FMN1: variants seen among roughly 807,000 people sequenced by gnomAD.
The protein encoded by FMN1 is formin 1.
A neutral mutation model predicts 132.4 loss-of-function variants in FMN1; 110 were observed. The ratio of observed to expected loss-of-function variants is 0.83; its 90% CI spans 0.71 to 0.97. The LOEUF (loss-of-function observed/expected upper bound fraction) is 0.97, where lower values mean the gene tolerates loss of function less well. FMN1 is among the 50% of genes least tolerant of loss of function. FMN1 has a pLI of 0.00. For missense variants in FMN1, 1,792 were observed against 1,705.3 expected (o/e 1.05, Z -0.90); for synonymous variants, 722 against 651.7 (o/e 1.11, Z -1.64).
chr15:33,107,141 CCT>C (rs1376802713), intron 4 of FMN1, among the ~76,000 whole-genome samples: 7 of 151,750 alleles, frequency 4.6e-5, no homozygotes, highest in African/African-American at 1.7e-4. Flanking sequence ...ATCCTTGAGT[CCT>C]CTCTTTCCCT....
chr15:32,859,812 G>A (rs1273892883), intron 16 of FMN1, among the ~76,000 whole-genome samples: 1 of 152,150 alleles, frequency 6.6e-6, no homozygotes, highest in Non-Finnish European at 1.5e-5. Context: ...CTTGGTGGGA[G>A]GATCACTTGA....
chr15:33,180,438 C>A (rs985802818), intron 2 of FMN1, among the ~76,000 whole-genome samples, 176 bp from the exon 3 acceptor site: 1 of 152,126 alleles, frequency 6.6e-6, no homozygotes, highest in Admixed American at 6.5e-5. Context: ...AGGGAACAGA[C>A]GATCCTGCCT....
At chr15:33,142,063 G>A (rs1964032447) in intron 4 of FMN1, among the ~76,000 whole-genome samples, 1 of 152,032 alleles carries the variant, frequency 6.6e-6, no homozygotes, top group African/African-American at 2.4e-5. Flanking sequence ...TTCCATTCTG[G>A]TCACCAACAC....
chr15:32,887,240 A>C (rs1044131291), intron 16 of FMN1, among the ~76,000 whole-genome samples: 1 of 152,186 alleles, frequency 6.6e-6, no homozygotes, highest in African/African-American at 2.4e-5. Context: ...TGGTCTTAAA[A>C]TATTCCTGGT....
chr15:32,765,745 T>C lies in FMN1; in HGVS notation c.*8565A>G, dbSNP rs574075454. On this transcript the variant is annotated 3_prime_UTR_variant, in exon 21 of 21. Transcript: ENST00000616417. ...TTGACGTTTTTCTAATCAATATATATTATGTACAAAAATACACTTGATATT... is the reference window on the plus strand; with the variant it reads ...TTGACGTTTTTCTAATCAATATATACTATGTACAAAAATACACTTGATATT... 1 of 152,290 alleles carries C rather than the reference T, an allele frequency of 6.6e-6. No homozygotes were observed. Among genetic ancestry groups the C allele is most frequent in the East Asian group, 1.9e-4 (1 of 5,190 alleles). 9.4% of individuals were successfully genotyped at this position (152,290 alleles called of 1,614,324 possible).
chr15:33,012,813 T>A (rs1159582814), intron 6 of FMN1: 4 of 658,376 alleles, frequency 6.1e-6, no homozygotes, highest in Non-Finnish European at 1.1e-5. Flanking sequence ...GCAGCTGTGG[T>A]GGTGGAGGAT....
intron 6 of FMN1, among the ~76,000 whole-genome samples, chr15:33,039,133 G>A (rs552606369): frequency 6.6e-6 from 1 of 152,194 alleles, no homozygotes; most frequent in Non-Finnish European, 1.5e-5. Context: ...TTCAATAAAA[G>A]AGCTATCATA....
intron 7 of FMN1, among the ~76,000 whole-genome samples, chr15:33,006,691 T>C (rs1290280123): frequency 5.9e-5 from 9 of 152,180 alleles, no homozygotes; most frequent in Admixed American, 5.9e-4. Flanking sequence ...ATACACAAAA[T>C]GGAATACTCT....
At chr15:32,855,161 A>ATT (rs1567276156) in intron 17 of FMN1, among the ~76,000 whole-genome samples, 3 of 139,486 alleles carry the variant, frequency 2.2e-5, no homozygotes, top group Non-Finnish European at 4.5e-5. Flanking sequence ...GGAGAGTAAA[A>ATT]AAAAAAAAAA....
intron 5 of FMN1, among the ~76,000 whole-genome samples, chr15:33,078,526 G>A (rs1179982880): frequency 2.6e-5 from 4 of 152,082 alleles, no homozygotes; most frequent in African/African-American, 9.7e-5. Flanking sequence ...GCTGGAGAAG[G>A]AAGTTTATGA....
chr15:32,817,224 A>G (rs1013742768), intron 17 of FMN1, among the ~76,000 whole-genome samples: 1 of 152,232 alleles, frequency 6.6e-6, no homozygotes, highest in African/African-American at 2.4e-5. Context: ...GACTACCAGA[A>G]CGTCCTGTAA....
intron 5 of FMN1, among the ~76,000 whole-genome samples, chr15:33,077,351 T>C (rs1026677461): frequency 1.8e-5 from 2 of 109,916 alleles, no homozygotes; most frequent in Non-Finnish European, 3.8e-5. Flanking sequence ...TTTTTTTTTT[T>C]TTAATATATA....
chr15:33,139,081 A>G (rs1042643394), intron 4 of FMN1, among the ~76,000 whole-genome samples: 4 of 152,220 alleles, frequency 2.6e-5, no homozygotes, highest in African/African-American at 9.6e-5. Flanking sequence ...CACGTAACAG[A>G]CTATCATAAC....
At position 32,876,640 on chromosome 15, in the gene FMN1, T is replaced by C. The variant is rs1355794861; in HGVS notation, c.3835+11532A>G. Among the ~76,000 whole-genome samples, 6 of 152,224 alleles carry C rather than the reference T, an allele frequency of 3.9e-5. 1 individual carries two copies. Among genetic ancestry groups the C allele is most frequent in the Admixed American group, 2.0e-4 (3 of 15,288 alleles). On this transcript the variant is annotated intron_variant, in intron 16 of 20. Coordinates refer to ENST00000616417, the MANE Select transcript of FMN1 (RefSeq NM_001277313.2). The stretch of plus-strand genomic sequence containing the variant: ...AAAATAAAAATTAAAGTGTATTGTT[T>C]AAAAAGTGTGGGAAACACAGTTTTA...
chr15:32,988,912 C>G (rs2033256905), intron 7 of FMN1, among the ~76,000 whole-genome samples: 1 of 152,166 alleles, frequency 6.6e-6, no homozygotes, highest in Non-Finnish European at 1.5e-5. Flanking sequence ...TAAGCTAACG[C>G]AAATCATCAT....
chr15:32,769,379 G>A lies in FMN1; in HGVS notation c.*4931C>T, dbSNP rs1329147824. ...TCCTTGGGAAGGGAGATGAAGAATT[G>A]TGAAACCAAAATGCAGTGCCTCTAA... On this transcript the variant is annotated 3_prime_UTR_variant, in exon 21 of 21. Coordinates refer to ENST00000616417, the MANE Select transcript of FMN1 (RefSeq NM_001277313.2). 1 of 152,216 alleles carries A rather than the reference G, an allele frequency of 6.6e-6. No homozygotes were observed. The highest frequency in any genetic ancestry group is 1.5e-5 in the Non-Finnish European group (1 of 68,038). The allele number at this position is 152,216 out of a possible 1,614,324, so 9.4% of individuals were successfully genotyped here. A position where few individuals can be genotyped will look rare whatever the true frequency, so the allele number is the denominator to read the frequency against.
At chr15:32,836,181 T>TG (rs1287651983) in intron 17 of FMN1, among the ~76,000 whole-genome samples, 3 of 152,196 alleles carry the variant, frequency 2.0e-5, no homozygotes, top group East Asian at 1.9e-4. Flanking sequence ...GGCTGCTCAC[T>TG]AGCAGCCTTG....
intron 4 of FMN1, among the ~76,000 whole-genome samples, chr15:33,141,705 G>A (rs1309292850): frequency 3.9e-5 from 6 of 152,308 alleles, no homozygotes; most frequent in African/African-American, 1.4e-4. Flanking sequence ...CATTGGTCAG[G>A]CCTGCGCTTG....
At chr15:33,080,827 C>T (rs797018779) in intron 5 of FMN1, among the ~76,000 whole-genome samples, 7 of 151,348 alleles carry the variant, frequency 4.6e-5, no homozygotes, top group South Asian at 2.1e-4. Context: ...GCGGAGGTTG[C>T]GGTGAGCTGA....
Sources: allele counts gnomAD v4.1 joint callset (sites outside exome capture counted in the v4.1 genomes callset), GRCh38; gene constraint gnomAD v4.1.1; transcripts MANE v1.5; gene names NCBI Gene and HGNC (gene_info 2026-07-23, HGNC 2026-07-21).